The following GRM7 variants were observed in gnomAD, a reference collection of about 807,000 sequenced individuals.
GRM7 encodes glutamate metabotropic receptor 7.
In GRM7, 35 loss-of-function variants were observed where a neutral mutation model predicts 84.5. The ratio of observed to expected loss-of-function variants is 0.41; its 90% confidence interval spans 0.32 to 0.55. GRM7 has a LOEUF of 0.55. Among genes scored for constraint, GRM7 ranks in the 20% least tolerant of loss-of-function variants. The pLI is 0.19. For synonymous variants in GRM7, 487 were observed against 455.1 expected (o/e 1.07, Z -0.89); for missense variants, 1,003 against 1,194.6 (o/e 0.84, Z 2.36).
intron 8 of GRM7, among the ~76,000 whole-genome samples, chr3:7,592,414 G>T (rs765438170): frequency 1.3e-5 from 2 of 152,156 alleles, no homozygotes; most frequent in Non-Finnish European, 2.9e-5. Flanking sequence ...AGCATTCTGG[G>T]TAGAGAGACC....
intron 4 of GRM7, among the ~76,000 whole-genome samples, chr3:7,348,153 C>G (rs12634463): frequency 0.27 from 40,876 of 151,994 alleles, 6,588 homozygotes; most frequent in African/African-American, 0.45. Context: ...CCTAGGTCAT[C>G]TGTTGCTTAG....
chr3:7,625,097 C>T (rs3792452), intron 8 of GRM7, among the ~76,000 whole-genome samples: 23,536 of 152,162 alleles, frequency 0.15, 1,963 homozygotes, highest in Middle Eastern at 0.28. Flanking sequence ...AGGCAATATT[C>T]ACACTATGCA....
rs534006375 is a variant in GRM7 at position 7,499,845 on chromosome 3, G to T, written c.1515+38123G>T. On this transcript the variant is annotated intron_variant, in intron 7 of 9. Coordinates refer to ENST00000357716, the MANE Select transcript of GRM7 (RefSeq NM_000844.4). ...GCTGGAGTGCAGTGTTTCAATCTCG[G>T]CTCACTGCAAGCTCCGCCTCCCAGA... 1.1e-4 allele frequency among the ~76,000 whole-genome samples: 16 copies of T among 151,686 alleles called. No homozygotes were observed. In the East Asian group the frequency reaches 2.7e-3, roughly 26 times the overall value.
At chr3:6,925,703 G>C (rs1243011207) in intron 1 of GRM7, among the ~76,000 whole-genome samples, 4 of 152,128 alleles carry the variant, frequency 2.6e-5, no homozygotes, top group Admixed American at 6.6e-5. Context: ...AACTCATCCT[G>C]TATATAAATA....
At chr3:7,087,992 A>G (rs1698522395) in intron 1 of GRM7, among the ~76,000 whole-genome samples, 1 of 152,236 alleles carries the variant, frequency 6.6e-6, no homozygotes, top group Non-Finnish European at 1.5e-5. Context: ...TCTACTGCTT[A>G]TAACTGTGAA....
Position 7,361,577 on chromosome 3 carries a change from C to T in GRM7, c.1034-53446C>T, listed in dbSNP as rs147491543. On this transcript the variant is annotated intron_variant, in intron 4 of 9. Transcript: ENST00000357716. ...GTGTTTTCCTGTGGTTCCGAAGACC[C>T]CCTGTAGATTACCTTATCCTGTTTG... Among the ~76,000 whole-genome samples, 5 of 151,996 alleles carry T rather than the reference C, an allele frequency of 3.3e-5. No homozygotes were observed. The East Asian group carries it at 7.7e-4, about 23-fold the overall frequency.
intron 4 of GRM7, among the ~76,000 whole-genome samples, chr3:7,413,387 A>G (rs1205479566): frequency 6.6e-6 from 1 of 152,208 alleles, no homozygotes; most frequent in Admixed American, 6.5e-5. Flanking sequence ...ATAGAGGCAA[A>G]CTTCAAGACT....
chr3:7,603,773 G>T (rs1696432757), intron 8 of GRM7, among the ~76,000 whole-genome samples: 1 of 152,062 alleles, frequency 6.6e-6, no homozygotes, highest in Non-Finnish European at 1.5e-5. Context: ...AGAAACTTTG[G>T]AGGTAATTTT....
chr3:7,403,591 C>T (rs966338392), intron 4 of GRM7, among the ~76,000 whole-genome samples: 56 of 140,112 alleles, frequency 4.0e-4, no homozygotes, highest in African/African-American at 1.3e-3. Context: ...TTTCCAAAGA[C>T]GTGAACATGT....
intron 4 of GRM7, among the ~76,000 whole-genome samples, chr3:7,360,513 G>T (rs911824559): frequency 2.0e-5 from 3 of 151,980 alleles, no homozygotes; most frequent in African/African-American, 4.8e-5. Context: ...GTATTTTTTG[G>T]TTGTAGATGG....
At chr3:7,521,309 T>A (rs2124991058) in intron 7 of GRM7, among the ~76,000 whole-genome samples, 1 of 152,310 alleles carries the variant, frequency 6.6e-6, no homozygotes, top group Non-Finnish European at 1.5e-5. Context: ...ATGGTCTAAA[T>A]GTTTGTATCC....
intron 1 of GRM7, among the ~76,000 whole-genome samples, chr3:7,121,540 TAG>T (rs1488483270): frequency 6.6e-6 from 1 of 152,200 alleles, no homozygotes; most frequent in Admixed American, 6.5e-5. Flanking sequence ...AATTCCACCG[TAG>T]ATTCTTACAA....
At chr3:7,321,171 T>C (rs1700766868) in intron 4 of GRM7, among the ~76,000 whole-genome samples, 1 of 152,006 alleles carries the variant, frequency 6.6e-6, no homozygotes, top group African/African-American at 2.4e-5. Context: ...CAGAAAGATA[T>C]AGCTATATAA....
intron 2 of GRM7, among the ~76,000 whole-genome samples, chr3:7,272,728 GTTCT>G (rs757563914): frequency 1.3e-5 from 2 of 151,570 alleles, no homozygotes; most frequent in Non-Finnish European, 2.9e-5. Context: ...AGCAATTTCT[GTTCT>G]TTGTCTTTTT....
At chr3:7,623,735 C>T (rs952786728) in intron 8 of GRM7, among the ~76,000 whole-genome samples, 24 of 152,112 alleles carry the variant, frequency 1.6e-4, no homozygotes, top group Non-Finnish European at 4.4e-5. Flanking sequence ...AACTTGCCAG[C>T]ATAATCAGAT....
intron 8 of GRM7, among the ~76,000 whole-genome samples, chr3:7,646,543 A>G (rs1376543871): frequency 6.6e-6 from 1 of 152,130 alleles, no homozygotes; most frequent in Non-Finnish European, 1.5e-5. Flanking sequence ...TGTCAGGTCC[A>G]ATACTGAACT....
In GRM7 at chr3:6,862,528, G is replaced by A. The variant is rs1403123435; in HGVS notation, c.519+621G>A. ...GCGCGAGGTGCTGGGACCTTCCTCA[G>A]GTGGAGAGATGCTGCCCGCAGACGT... On this transcript the variant is annotated intron_variant, in intron 1 of 9. Coordinates refer to ENST00000357716, the MANE Select transcript of GRM7 (RefSeq NM_000844.4). The surrounding 1 kb of genome is among the most constrained non-coding windows in gnomAD (Gnocchi z 5.2). Among the ~76,000 whole-genome samples, 1 of 152,180 alleles carries A rather than the reference G, an allele frequency of 6.6e-6. No individual in the cohort carries two copies. The highest frequency in any genetic ancestry group is 1.5e-5 in the Non-Finnish European group (1 of 68,036).
At chr3:7,712,368 C>T (rs1036711648) in intron 9 of GRM7, among the ~76,000 whole-genome samples, 2 of 152,100 alleles carry the variant, frequency 1.3e-5, no homozygotes, top group Admixed American at 6.5e-5. Flanking sequence ...GTGGCATCCT[C>T]AGCTGCACCC....
At chr3:7,228,407 G>C (rs866266924) in intron 2 of GRM7, among the ~76,000 whole-genome samples, 1 of 152,070 alleles carries the variant, frequency 6.6e-6, no homozygotes, top group Non-Finnish European at 1.5e-5. Context: ...AACAAAATCC[G>C]ATAAAACAGG....
Sources: gnomAD v4.1 joint callset for allele counts (sites outside exome capture counted in the v4.1 genomes callset) on GRCh38, gnomAD v4.1.1 for gene constraint, Gnocchi (gnomAD v3.1) non-coding constraint, MANE v1.5 for transcripts, NCBI Gene and HGNC (gene_info 2026-07-23, HGNC 2026-07-21) for gene names.